OSBPL10: variants seen among roughly 807,000 people sequenced by gnomAD.
OSBPL10 encodes the protein oxysterol binding protein like 10, also known as oxysterol-binding protein-related protein 10.
A neutral mutation model predicts 81.7 loss-of-function variants in OSBPL10; 49 were observed. The observed-to-expected ratio is 0.60, with a 90% CI of 0.48 to 0.76. The LOEUF (loss-of-function observed/expected upper bound fraction) is 0.76. Ranked by LOEUF, OSBPL10 falls within the 30% of genes least tolerant of loss-of-function variation. OSBPL10 has a pLI of 0.00. For missense variants in OSBPL10, 923 were observed against 987.8 expected (o/e 0.93, Z 0.88); for synonymous variants, 419 against 383.6 (o/e 1.09, Z -1.08).
At chr3:31,865,966 G>A (rs62243013) in intron 3 of OSBPL10, among the ~76,000 whole-genome samples, 2 of 151,924 alleles carry the variant, frequency 1.3e-5, no homozygotes, top group Non-Finnish European at 2.9e-5. Flanking sequence ...TGAAATCCCT[G>A]GTAACCACAT....
chr3:31,765,076 G>A (rs192862757), intron 4 of OSBPL10, among the ~76,000 whole-genome samples: 6 of 152,070 alleles, frequency 3.9e-5, no homozygotes, highest in East Asian at 3.9e-4. Context: ...GGAGTGCAGC[G>A]GCGAGATCAT....
intron 4 of OSBPL10, among the ~76,000 whole-genome samples, chr3:31,806,749 G>A (rs897109344): frequency 1.3e-5 from 2 of 151,920 alleles, no homozygotes; most frequent in Admixed American, 6.6e-5. Context: ...GGAAAGACCT[G>A]TGTGAGGAGG....
At chr3:31,757,742 G>A (rs1697930141) in intron 4 of OSBPL10, among the ~76,000 whole-genome samples, 1 of 152,162 alleles carries the variant, frequency 6.6e-6, no homozygotes, top group African/African-American at 2.4e-5. Flanking sequence ...TTTTTCTCAT[G>A]TAATTTTTGC....
chr3:31,982,668 A>C (rs1698874295), upstream of OSBPL10, among the ~76,000 whole-genome samples: 1 of 150,090 alleles, frequency 6.7e-6, no homozygotes, highest in Non-Finnish European at 1.5e-5. Flanking sequence ...AAAAAATCTG[A>C]AAAGAGCTTG....
At position 32,020,473 on chromosome 3, in the gene OSBPL10, T is replaced by C. The variant is rs546315850; in HGVS notation, n.298+26018A>G. On this transcript the variant is annotated intron_variant and non_coding_transcript_variant, in intron 2 of 3. Coordinates refer to the OSBPL10 transcript ENST00000479173. Reference sequence around the variant, plus strand: ...TATGTTGTAGCATGTATCAGTACTATATCATTCCTTTTTATTTCTAAATAG... The same window carrying C: ...TATGTTGTAGCATGTATCAGTACTACATCATTCCTTTTTATTTCTAAATAG... Among the ~76,000 whole-genome samples, 66 of 152,366 alleles carry C rather than the reference T, an allele frequency of 4.3e-4. 1 individual carries two copies. The South Asian group carries it at 0.013, about 30-fold the overall frequency.
intron 4 of OSBPL10, among the ~76,000 whole-genome samples, chr3:31,783,150 C>CACACAA (rs1698749133): frequency 8.8e-6 from 1 of 113,474 alleles, no homozygotes; most frequent in Non-Finnish European, 1.8e-5. Flanking sequence ...TATATATACA[C>CACACAA]ACACACCATA....
At chr3:31,702,635 AC>A in intron 6 of OSBPL10, 127 bp from the exon 7 acceptor site, 1 of 1,335,172 alleles carries the variant, frequency 7.5e-7, no homozygotes, top group African/African-American at 1.5e-5. Context: ...CTCCTCTGTG[AC>A]CCAGTCCTAT....
chr3:31,806,848 C>A (rs35742300), intron 4 of OSBPL10, among the ~76,000 whole-genome samples: 24,401 of 151,876 alleles, frequency 0.16, 2,148 homozygotes, highest in East Asian at 0.26. Context: ...CAATGGCCTT[C>A]AAGTGGGAGT....
chr3:32,059,311 G>A (rs776649765), intron 1 of OSBPL10, among the ~76,000 whole-genome samples: 13 of 149,396 alleles, frequency 8.7e-5, no homozygotes, highest in African/African-American at 2.0e-4. Flanking sequence ...ACAACAGGCC[G>A]GGCACAGTGG....
At chr3:31,936,388 TAACA>T (rs1400080877) in intron 1 of OSBPL10, among the ~76,000 whole-genome samples, 2 of 152,216 alleles carry the variant, frequency 1.3e-5, no homozygotes, top group East Asian at 1.9e-4. Context: ...CTAAATGCTG[TAACA>T]AACAGACTCT....
At chr3:31,894,105 G>T (rs1695985968) in intron 1 of OSBPL10, among the ~76,000 whole-genome samples, 1 of 152,200 alleles carries the variant, frequency 6.6e-6, no homozygotes, top group Non-Finnish European at 1.5e-5. Context: ...GACAAGATTT[G>T]ATGAGGCAGG....
At chr3:31,715,607 A>G (rs1484249640) in intron 6 of OSBPL10, among the ~76,000 whole-genome samples, 1 of 152,246 alleles carries the variant, frequency 6.6e-6, no homozygotes, top group Non-Finnish European at 1.5e-5. Context: ...ACAATTTTAC[A>G]AACACCTCCA....
At chr3:31,960,655 G>A (rs568374585) in intron 1 of OSBPL10, among the ~76,000 whole-genome samples, 9 of 152,046 alleles carry the variant, frequency 5.9e-5, no homozygotes, top group African/African-American at 1.9e-4. Context: ...TCTCCTCTAC[G>A]TCTCTCTCTT....
chr3:31,671,080 C>T (rs1299742978), intron 8 of OSBPL10, 97 bp from the exon 9 acceptor site: 1 of 1,149,166 alleles, frequency 8.7e-7, no homozygotes, highest in Non-Finnish European at 1.2e-6. Flanking sequence ...GAGCCTCCTG[C>T]ACAGATGTCA....
At chr3:31,889,346 C>T (rs1185362101) in intron 1 of OSBPL10, among the ~76,000 whole-genome samples, 1 of 152,132 alleles carries the variant, frequency 6.6e-6, no homozygotes, top group Non-Finnish European at 1.5e-5. Context: ...GACATCTGCA[C>T]CCCCACGTTT....
intron 6 of OSBPL10, among the ~76,000 whole-genome samples, chr3:31,718,454 ATAACACC>A (rs571534136): frequency 1.6e-3 from 239 of 152,308 alleles, no homozygotes; most frequent in Non-Finnish European, 2.9e-3. Flanking sequence ...GTAGCATAAA[ATAACACC>A]ATGATGACTT....
At chr3:32,038,585 G>A (rs1252278190) in intron 2 of OSBPL10, among the ~76,000 whole-genome samples, 1 of 152,168 alleles carries the variant, frequency 6.6e-6, no homozygotes, top group East Asian at 1.9e-4. Context: ...GTCTCCCAAA[G>A]TGCTGGGATT....
rs780635521 is a variant in OSBPL10 at position 31,683,957 on chromosome 3, T to G, written c.1403A>C (p.Glu468Ala). Residue 468 changes from glutamate (E) to alanine (A), a missense_variant, in exon 8 of 12, where the codon GAG becomes GCG. This residue lies in a region of OSBPL10 where 387 missense variants were observed against 436.3 expected (regional missense o/e 0.89). Coordinates refer to ENST00000396556, the MANE Select transcript of OSBPL10 (RefSeq NM_017784.5). ...FVEYYLTAFH[E>A]GRKGALAKKP... The stretch of plus-strand genomic sequence containing the variant: ...CTTGGCTAAAGCGCCCTTGCGGCCC[T>G]CGTGAAAGGCTGTGAGATAATACTC... 1.5e-5 allele frequency: 24 copies of G among 1,614,148 alleles called. No individual in the cohort carries two copies. The highest frequency in any genetic ancestry group is 9.3e-6 in the Non-Finnish European group (11 of 1,180,060).
chr3:32,002,843 G>C (rs1321930412), intron 2 of OSBPL10, among the ~76,000 whole-genome samples: 1 of 134,956 alleles, frequency 7.4e-6, no homozygotes, highest in African/African-American at 2.6e-5. Flanking sequence ...TTTTATTCCA[G>C]CCTGATGAAT....
Sources: allele counts gnomAD v4.1 joint callset (sites outside exome capture counted in the v4.1 genomes callset), GRCh38; gene constraint gnomAD v4.1.1; regional missense constraint gnomAD v4.1.1; transcripts MANE v1.5; gene names NCBI Gene and HGNC (gene_info 2026-07-23, HGNC 2026-07-21).